The following FBXO42 variants were observed in gnomAD, a reference collection of about 807,000 sequenced individuals.
FBXO42 encodes F-box protein 42, also known as F-box only protein 42.
A neutral mutation model predicts 71.7 loss-of-function variants in FBXO42; 12 were observed. The observed-to-expected ratio is 0.17, with a 90% CI of 0.11 to 0.27. The LOEUF (loss-of-function observed/expected upper bound fraction) is 0.27. FBXO42 is among the 10% of genes least tolerant of loss of function. FBXO42 has a pLI of 1.00. For synonymous variants in FBXO42, 325 were observed against 327.5 expected (o/e 0.99, Z 0.08); for missense variants, 707 against 911.9 (o/e 0.78, Z 2.89).
intron 1 of FBXO42, among the ~76,000 whole-genome samples, chr1:16,323,311 G>A (rs140448891): frequency 0.026 from 3,941 of 151,256 alleles, 147 homozygotes; most frequent in African/African-American, 0.091. Context: ...CCAGCTACTC[G>A]GGAGGCTGAG....
chr1:16,285,775 T>C (rs2082015625), intron 4 of FBXO42, among the ~76,000 whole-genome samples: 1 of 152,222 alleles, frequency 6.6e-6, no homozygotes, highest in African/African-American at 2.4e-5. Flanking sequence ...CATTCTCCGA[T>C]GTTCTCCTTC....
intron 2 of FBXO42, among the ~76,000 whole-genome samples, chr1:16,307,992 G>C (rs901873471): frequency 2.6e-5 from 4 of 152,178 alleles, no homozygotes; most frequent in African/African-American, 9.6e-5. Context: ...AACATGGAAG[G>C]AGGAGAACAA....
chr1:16,281,015 G>A (rs1372969865), intron 4 of FBXO42, among the ~76,000 whole-genome samples: 1 of 152,192 alleles, frequency 6.6e-6, no homozygotes, highest in African/African-American at 2.4e-5. Flanking sequence ...AGGCTGGAGT[G>A]CAATGACACG....
chr1:16,294,654 C>G, intron 4 of FBXO42, 129 bp downstream of exon 4: 1 of 841,178 alleles, frequency 1.2e-6, no homozygotes, highest in Non-Finnish European at 1.8e-6. Flanking sequence ...ATTTACATGG[C>G]ACATTAAACT....
intron 1 of FBXO42, among the ~76,000 whole-genome samples, chr1:16,324,073 A>G (rs1370201824): frequency 5.3e-5 from 8 of 152,194 alleles, no homozygotes; most frequent in Non-Finnish European, 1.0e-4. Context: ...AAGTGATTCA[A>G]TCTAAGACAA....
At chr1:16,306,228 A>T (rs2082249563) in intron 2 of FBXO42, among the ~76,000 whole-genome samples, 1 of 152,098 alleles carries the variant, frequency 6.6e-6, no homozygotes, top group Non-Finnish European at 1.5e-5. Context: ...CATCTTGGCC[A>T]GGCTGGTCTT....
intron 3 of FBXO42, among the ~76,000 whole-genome samples, chr1:16,303,274 G>C (rs370490830): frequency 4.6e-5 from 7 of 152,302 alleles, no homozygotes; most frequent in South Asian, 2.1e-4. Context: ...TGCAAGGCTA[G>C]TTGCATGTTT....
chr1:16,276,379 CAAAAAAAA>C (rs34711223), intron 4 of FBXO42, among the ~76,000 whole-genome samples: 2 of 97,396 alleles, frequency 2.1e-5, no homozygotes, highest in African/African-American at 3.6e-5. Flanking sequence ...CACTCTGTCT[CAAAAAAAA>C]AAAAAAAAAG....
intron 4 of FBXO42, among the ~76,000 whole-genome samples, chr1:16,273,156 G>C (rs1288531463): frequency 6.6e-6 from 1 of 152,118 alleles, no homozygotes; most frequent in African/African-American, 2.4e-5. Context: ...CTACCCTAAA[G>C]GTAAGGCAAC....
chr1:16,258,004 C>CT (rs549782108), intron 4 of FBXO42, among the ~76,000 whole-genome samples: 5,102 of 149,646 alleles, frequency 0.034, 252 homozygotes, highest in African/African-American at 0.11. Flanking sequence ...TTTTTAAAAT[C>CT]TTTTTTTTTT....
At chr1:16,255,873 G>A (rs1255565133) in intron 5 of FBXO42, 52 bp from the exon 6 acceptor site, 1 of 1,253,224 alleles carries the variant, frequency 8.0e-7, no homozygotes. Flanking sequence ...CACACTTTAT[G>A]TAAAAATAGT....
chr1:16,296,244 G>C (rs1277836453), intron 3 of FBXO42, among the ~76,000 whole-genome samples: 1 of 152,082 alleles, frequency 6.6e-6, no homozygotes, highest in South Asian at 2.1e-4. Context: ...TTTCATGCAC[G>C]CAGGAGGTAA....
intron 1 of FBXO42, among the ~76,000 whole-genome samples, chr1:16,345,375 A>C (rs1429291562): frequency 2.0e-5 from 3 of 151,868 alleles, no homozygotes; most frequent in Non-Finnish European, 2.9e-5. Flanking sequence ...GTGAGCTGAG[A>C]TCCTGCCACT....
chr1:16,298,326 T>A (rs992057794), intron 3 of FBXO42, among the ~76,000 whole-genome samples: 7 of 152,156 alleles, frequency 4.6e-5, no homozygotes, highest in Non-Finnish European at 8.8e-5. Context: ...CACATTTTAA[T>A]CTCCACTAAA....
intron 3 of FBXO42, among the ~76,000 whole-genome samples, chr1:16,299,031 G>C (rs893262315): frequency 6.6e-6 from 1 of 150,808 alleles, no homozygotes; most frequent in Admixed American, 6.6e-5. Context: ...TTTTTTCCTC[G>C]AGACAGAGTC....
intron 4 of FBXO42, among the ~76,000 whole-genome samples, chr1:16,257,048 T>C (rs2081653741): frequency 6.6e-6 from 1 of 152,198 alleles, no homozygotes. Context: ...ACCTATCTCA[T>C]AAGGCTGTTT....
chr1:16,282,705 G>C (rs774340876), intron 4 of FBXO42, among the ~76,000 whole-genome samples: 1 of 152,022 alleles, frequency 6.6e-6, no homozygotes, highest in Non-Finnish European at 1.5e-5. Flanking sequence ...GATCGGCTGA[G>C]TGCAGTGGCT....
At chr1:16,270,960 CAA>C (rs1272905442) in intron 4 of FBXO42, among the ~76,000 whole-genome samples, 3 of 150,730 alleles carry the variant, frequency 2.0e-5, no homozygotes, top group Non-Finnish European at 3.0e-5. Flanking sequence ...AAAAACAAAA[CAA>C]GAGGAAAAGG....
intron 4 of FBXO42, among the ~76,000 whole-genome samples, chr1:16,258,167 G>A (rs1215829645): frequency 6.6e-6 from 1 of 152,112 alleles, no homozygotes; most frequent in Admixed American, 6.6e-5. Context: ...AACACTGTTT[G>A]AAAAGCCCTG....
Sources: allele counts gnomAD v4.1 joint callset (sites outside exome capture counted in the v4.1 genomes callset), GRCh38; gene constraint gnomAD v4.1.1; transcripts MANE v1.5; gene names NCBI Gene and HGNC (gene_info 2026-07-23, HGNC 2026-07-21).